The following CPNE2 variants were observed in gnomAD, a reference collection of about 807,000 sequenced individuals.
The protein encoded by CPNE2 is copine-2.
A neutral mutation model predicts 69.7 loss-of-function variants in CPNE2; 42 were observed. That is an observed-to-expected ratio of 0.60 (90% CI 0.47 to 0.78). CPNE2 has a LOEUF of 0.78. Among genes scored for constraint, CPNE2 ranks in the 30% least tolerant of loss-of-function variants. The pLI is 0.00. For synonymous variants in CPNE2, 294 were observed against 289.8 expected, an observed-to-expected ratio of 1.01 and a Z score of -0.15; for missense variants, 587 against 732.0, an observed-to-expected ratio of 0.80 and a Z score of 2.29.
At chr16:57,095,014 C>T (rs2069569598) in intron 1 of CPNE2, among the ~76,000 whole-genome samples, 1 of 152,164 alleles carries the variant, frequency 6.6e-6, no homozygotes, top group African/African-American at 2.4e-5. Flanking sequence ...GTGCCCCCAG[C>T]CTGATGGAGG....
At chr16:57,122,210 G>T (rs1358702379) in intron 9 of CPNE2, among the ~76,000 whole-genome samples, 2 of 152,234 alleles carry the variant, frequency 1.3e-5, no homozygotes, top group African/African-American at 2.4e-5. Context: ...TGTCAGCAGT[G>T]GCCAGGCTGT....
intron 13 of CPNE2, among the ~76,000 whole-genome samples, chr16:57,135,626 C>T (rs1045297352): frequency 6.6e-6 from 1 of 151,198 alleles, no homozygotes; most frequent in African/African-American, 2.4e-5. Context: ...CCTTTAATCC[C>T]AGCACTTCGG....
At chr16:57,145,889 A>C (rs2069953515) in intron 14 of CPNE2, 196 bp from the exon 15 acceptor site, 1 of 601,282 alleles carries the variant, frequency 1.7e-6, no homozygotes, top group Admixed American at 2.8e-5. Context: ...ACCAGGTCAG[A>C]GTTTAGAGCA....
intron 11 of CPNE2, among the ~76,000 whole-genome samples, chr16:57,126,440 A>G (rs2069801679): frequency 6.6e-6 from 1 of 150,814 alleles, no homozygotes; most frequent in Non-Finnish European, 1.5e-5. Flanking sequence ...GGAACTTCTG[A>G]GGAGCAGCTA....
chr16:57,143,943 G>A (rs2069939656), intron 14 of CPNE2: 1 of 152,466 alleles, frequency 6.6e-6, no homozygotes, highest in South Asian at 2.1e-4. Flanking sequence ...ATTAGACCAG[G>A]ACCAAGCATT....
chr16:57,147,270 C>T (rs1466614839), intron 15 of CPNE2: 1 of 330,324 alleles, frequency 3.0e-6, no homozygotes, highest in Non-Finnish European at 5.5e-6. Flanking sequence ...AGGTGCTTCC[C>T]GCAGACGGAG....
intron 14 of CPNE2, chr16:57,145,589 GAC>G (rs1216468335): frequency 5.4e-6 from 1 of 184,310 alleles, no homozygotes; most frequent in African/African-American, 2.4e-5. Context: ...GAGAGGGGGA[GAC>G]CGGTCCCAGA....
chr16:57,143,183 C>T (rs1387455195), intron 14 of CPNE2: 1 of 152,342 alleles, frequency 6.6e-6, no homozygotes, highest in Non-Finnish European at 1.5e-5. Flanking sequence ...GGCTCCTGAA[C>T]AACTCTGGCT....
intron 1 of CPNE2, among the ~76,000 whole-genome samples, chr16:57,109,245 G>T (rs1363836031): frequency 6.6e-6 from 1 of 152,206 alleles, no homozygotes; most frequent in Admixed American, 6.5e-5. Flanking sequence ...GGAGACCCAG[G>T]TGGGTGGATC....
At chr16:57,124,471 T>A (rs780668621) in intron 10 of CPNE2, 1 of 433,776 alleles carries the variant, frequency 2.3e-6, no homozygotes, top group South Asian at 1.6e-5. Context: ...CACTGGAATG[T>A]GAGTGCTTTT....
intron 1 of CPNE2, among the ~76,000 whole-genome samples, chr16:57,106,596 G>A (rs2069650273): frequency 6.6e-6 from 1 of 151,380 alleles, no homozygotes; most frequent in South Asian, 2.1e-4. Context: ...GTGTGTGCCT[G>A]ACACCCTCAG....
At chr16:57,114,682 CCT>C (rs1219071110) in intron 3 of CPNE2, among the ~76,000 whole-genome samples, 8 of 152,106 alleles carry the variant, frequency 5.3e-5, no homozygotes, top group African/African-American at 1.4e-4. Flanking sequence ...CATGCTGGCC[CCT>C]GAGTGCAGTG....
At position 57,147,865 on chromosome 16, in the gene CPNE2, T is replaced by C. The variant is rs2069971890; in HGVS notation, c.*207T>C. 1 of 406,468 alleles carries C rather than the reference T, an allele frequency of 2.5e-6. No homozygotes were observed. Among genetic ancestry groups the C allele is most frequent in the Non-Finnish European group, 4.4e-6 (1 of 229,666 alleles). The allele number at this position is 406,468 out of a possible 1,614,324, so 25.2% of individuals were successfully genotyped here. A position where few individuals can be genotyped will look rare whatever the true frequency, so the allele number is the denominator to read the frequency against. Reference sequence around the variant, plus strand: ...GTTGATGCTTCCAGGCCAAACTGGCTTCCTCTCCTCCTCTCCCCACCTTTG... The same window carrying C: ...GTTGATGCTTCCAGGCCAAACTGGCCTCCTCTCCTCCTCTCCCCACCTTTG... On this transcript the variant is annotated 3_prime_UTR_variant, in exon 16 of 16. Transcript: ENST00000290776.
chr16:57,117,696 C>A (rs1165882321), intron 5 of CPNE2, 129 bp downstream of exon 5: 2 of 967,984 alleles, frequency 2.1e-6, no homozygotes, highest in Non-Finnish European at 3.2e-6. Flanking sequence ...CAGCACGGGG[C>A]CCTCCTGGCC....
intron 12 of CPNE2, among the ~76,000 whole-genome samples, chr16:57,128,427 A>T (rs2069815805): frequency 1.3e-5 from 2 of 152,012 alleles, no homozygotes; most frequent in African/African-American, 4.8e-5. Flanking sequence ...GAGTTTTACC[A>T]TGTTGACCAG....
intron 3 of CPNE2, 100 bp from the exon 4 acceptor site, chr16:57,115,376 C>A: frequency 1.1e-6 from 1 of 939,310 alleles, no homozygotes. Context: ...GGGCGGGGTG[C>A]AGCCCTGCCA....
Position 57,121,095 on chromosome 16 carries a change from C to T in CPNE2, c.684C>T (p.Val228=), listed in dbSNP as rs180925188. 156 of 1,612,780 alleles carry T rather than the reference C, an allele frequency of 9.7e-5. No homozygotes were observed. The Admixed American group carries it at 1.8e-3, about 19-fold the overall frequency. Residue 228 remains valine (V), a splice_region_variant and synonymous_variant, in exon 8 of 16, where the codon GTC becomes GTT. Coordinates refer to ENST00000290776, the MANE Select transcript of CPNE2 (RefSeq NM_152727.6). ...TGACCGTGCTGAACCCACCCCAGGT[C>T]ATGTGCTACGACTATGACAATGACG... is the stretch of plus-strand genomic sequence containing the variant. ...CDGDMEKPIQ[V]MCYDYDNDGG... is the part of the protein sequence containing the mutation.
chr16:57,100,519 G>A (rs1212616171), intron 1 of CPNE2, among the ~76,000 whole-genome samples: 1 of 152,232 alleles, frequency 6.6e-6, no homozygotes, highest in Non-Finnish European at 1.5e-5. Flanking sequence ...AAACTAAACT[G>A]AGACACAGAA....
intron 14 of CPNE2, chr16:57,141,692 G>A (rs2069923847): frequency 6.6e-6 from 1 of 152,176 alleles, no homozygotes. Context: ...CCGAGAGCAG[G>A]TAGCTTAAAC....
Sources: gnomAD v4.1 joint callset for allele counts (sites outside exome capture counted in the v4.1 genomes callset) on GRCh38, gnomAD v4.1.1 for gene constraint, MANE v1.5 for transcripts, NCBI Gene and HGNC (gene_info 2026-07-23, HGNC 2026-07-21) for gene names.